Variants in OR51B5 observed in about 807,000 individuals in gnomAD.
OR51B5 encodes olfactory receptor family 51 subfamily B member 5, also known as olfactory receptor 51B5.
For synonymous variants in OR51B5, 186 were observed against 144.8 expected (o/e 1.28, Z -2.04); for missense variants, 456 against 374.6 (o/e 1.22, Z -1.79).
intron 1 of OR51B5, among the ~76,000 whole-genome samples, chr11:5,363,456 CA>C (rs1849317874): frequency 8.0e-6 from 1 of 124,922 alleles, no homozygotes; most frequent in Non-Finnish European, 1.8e-5. Context: ...CATACACACA[CA>C]CTCTCTCTCT....
exon 1 of OR51B5, chr11:5,342,903 C>A (rs374152145): frequency 8.1e-6 from 13 of 1,613,670 alleles, no homozygotes; most frequent in Non-Finnish European, 1.1e-5. Context: ...ATCAGATAAT[C>A]CAGCACAAAT....
chr11:5,483,374 G>T, intron 1 of OR51B5, among the ~76,000 whole-genome samples: 1 of 103,172 alleles, frequency 9.7e-6, no homozygotes, highest in Non-Finnish European at 1.9e-5. Flanking sequence ...GGGGGAGGGG[G>T]GAGGGATAGC....
chr11:5,430,247 G>A (rs1427949715), intron 1 of OR51B5, among the ~76,000 whole-genome samples: 1 of 151,934 alleles, frequency 6.6e-6, no homozygotes, highest in African/African-American at 2.4e-5. Context: ...GATATGGTTA[G>A]GTAATCCCTA....
chr11:5,496,808 A>G (rs963840757), intron 1 of OR51B5, among the ~76,000 whole-genome samples: 15 of 152,242 alleles, frequency 9.9e-5, no homozygotes, highest in Non-Finnish European at 1.9e-4. Context: ...CAGTAGACGT[A>G]CGTGATGCTG....
At chr11:5,505,448 A>G (rs1487072626) in intron 1 of OR51B5, 3 of 1,303,948 alleles carry the variant, frequency 2.3e-6, no homozygotes, top group South Asian at 1.2e-5. Flanking sequence ...GACAAAAACT[A>G]TCCCCTAATG....
intron 1 of OR51B5, chr11:5,402,891 G>C (rs1849993419): frequency 2.1e-6 from 1 of 471,352 alleles, no homozygotes; most frequent in Non-Finnish European, 4.4e-6. Flanking sequence ...TAGTCTTGAA[G>C]CTTGTCTTTT....
chr11:5,357,407 A>G (rs970520363), intron 1 of OR51B5, among the ~76,000 whole-genome samples: 1 of 151,228 alleles, frequency 6.6e-6, no homozygotes, highest in African/African-American at 2.4e-5. Context: ...AAAGGGATCA[A>G]TTCAACAAGA....
chr11:5,452,228 G>C (rs1206054407), intron 1 of OR51B5, among the ~76,000 whole-genome samples: 1 of 152,104 alleles, frequency 6.6e-6, no homozygotes, highest in African/African-American at 2.4e-5. Context: ...AGAGGGGCCG[G>C]GCACGGTGGC....
Position 5,449,067 on chromosome 11 carries a change from G to A in OR51B5, n.84+56502C>T, listed in dbSNP as rs950587502. On this transcript the variant is annotated intron_variant and non_coding_transcript_variant, in intron 1 of 4. Coordinates refer to the OR51B5 transcript ENST00000415970. ...GCCAGAATCTCTTAGGAGGTAATGA[G>A]CTCCTCTCTTACAGCGATTGCCTGT... is the stretch of plus-strand genomic sequence containing the variant. 7.2e-5 allele frequency among the ~76,000 whole-genome samples: 11 copies of A among 152,322 alleles called. No individual in the cohort carries two copies. The South Asian group carries it at 2.1e-3, about 29-fold the overall frequency.
intron 1 of OR51B5, among the ~76,000 whole-genome samples, chr11:5,412,861 C>T (rs1850171515): frequency 6.6e-6 from 1 of 152,090 alleles, no homozygotes; most frequent in South Asian, 2.1e-4. Context: ...CCTCTGGGGG[C>T]AGGGCACAGA....
intron 1 of OR51B5, among the ~76,000 whole-genome samples, chr11:5,464,633 T>C (rs1262775183): frequency 1.3e-5 from 2 of 152,238 alleles, no homozygotes; most frequent in East Asian, 3.9e-4. Context: ...TTTTTATGGC[T>C]GCATAGTATT....
intron 1 of OR51B5, among the ~76,000 whole-genome samples, chr11:5,480,059 A>AT (rs1851391740): frequency 6.6e-6 from 1 of 151,960 alleles, no homozygotes; most frequent in Admixed American, 6.6e-5. Context: ...CAGAATATAC[A>AT]TTTTTTTCAG....
At chr11:5,385,145 T>G (rs1849667054) in intron 1 of OR51B5, among the ~76,000 whole-genome samples, 1 of 152,224 alleles carries the variant, frequency 6.6e-6, no homozygotes, top group Non-Finnish European at 1.5e-5. Flanking sequence ...TACTCTGCCT[T>G]GAATATTTTA....
At chr11:5,390,043 A>G in intron 1 of OR51B5, 1 of 1,613,668 alleles carries the variant, frequency 6.2e-7, no homozygotes, top group African/African-American at 1.3e-5. Flanking sequence ...TGATGGTGGT[A>G]GTTTTCACTG....
At chr11:5,359,218 T>A (rs373393054) in intron 1 of OR51B5, among the ~76,000 whole-genome samples, 51,731 of 143,942 alleles carry the variant, frequency 0.36, 9,748 homozygotes, top group Non-Finnish European at 0.39. Context: ...TGTTTGCAGA[T>A]GACACGATTG....
At chr11:5,403,536 C>T (rs768759544) in intron 1 of OR51B5, 32 of 470,176 alleles carry the variant, frequency 6.8e-5, no homozygotes, top group Non-Finnish European at 4.4e-6. Context: ...AGAGAAAAGA[C>T]GCAGAGTGTA....
intron 1 of OR51B5, among the ~76,000 whole-genome samples, chr11:5,495,107 T>C (rs961365590): frequency 6.6e-6 from 1 of 152,192 alleles, no homozygotes; most frequent in Non-Finnish European, 1.5e-5. Context: ...GTGGGAGCCC[T>C]GGAGTCCAGA....
intron 1 of OR51B5, among the ~76,000 whole-genome samples, chr11:5,458,227 CT>C (rs1638829165): frequency 6.6e-6 from 1 of 152,118 alleles, no homozygotes. Context: ...AATAAGGAGT[CT>C]TTTGCCCACT....
intron 1 of OR51B5, chr11:5,453,637 G>A (rs148530767): frequency 1.2e-5 from 19 of 1,613,576 alleles, no homozygotes; most frequent in African/African-American, 5.3e-5. Flanking sequence ...CAGGCTGTGC[G>A]AGTGGAGCCC....
Sources: allele counts gnomAD v4.1 joint callset (sites outside exome capture counted in the v4.1 genomes callset), GRCh38; gene constraint gnomAD v4.1.1; transcripts MANE v1.5; gene names NCBI Gene and HGNC (gene_info 2026-07-23, HGNC 2026-07-21).